The following HS1BP3 variants were observed in gnomAD, a reference collection of about 807,000 sequenced individuals.
HS1BP3 encodes the protein HCLS1 binding protein 3, also known as HCLS1-binding protein 3.
HS1BP3 carries 32 observed loss-of-function variants against 33.5 expected under a neutral mutation model. The observed-to-expected ratio is 0.95, with a 90% CI of 0.72 to 1.28. The LOEUF (loss-of-function observed/expected upper bound fraction) is 1.28. Ranked by LOEUF, HS1BP3 falls within the 50% of genes most tolerant of loss-of-function variation. The probability of loss-of-function intolerance (pLI) is 0.00; values close to 1 mark genes in which losing one functional copy is unlikely to be tolerated. For missense variants in HS1BP3, 486 were observed against 502.3 expected (o/e 0.97, Z 0.31); for synonymous variants, 187 against 209.2 (o/e 0.89, Z 0.92).
chr2:20,588,462 C>T (rs750292950), downstream of HS1BP3, among the ~76,000 whole-genome samples: 8 of 152,172 alleles, frequency 5.3e-5, no homozygotes, highest in Non-Finnish European at 1.0e-4. Flanking sequence ...ATTACGGGCA[C>T]CAGCCACCAC....
At position 20,619,244 on chromosome 2, in the gene HS1BP3, C is replaced by A. The variant is rs779710138; in HGVS notation, c.922G>T (p.Val308Phe). 2 of 1,597,294 alleles carry A rather than the reference C, an allele frequency of 1.3e-6. No individual in the cohort carries two copies. The highest frequency in any genetic ancestry group is 1.1e-5 in the South Asian group (1 of 88,416). Residue 308 changes from valine (V) to phenylalanine (F), a missense_variant and splice_region_variant, in exon 7 of 7, where the codon GTT becomes TTT. Val to Phe is a conservative substitution (Grantham distance 50). Coordinates refer to ENST00000304031, the MANE Select transcript of HS1BP3 (RefSeq NM_022460.4). ...AGAATCTGGTCCAAGTCCTCTTCAA[C>A]TCTAGGGAACCACAGGGAGGAACCC... ...HRDASKELFR[V>F]EEDLDQILNL... is the part of the protein sequence containing the mutation.
intron 2 of HS1BP3, among the ~76,000 whole-genome samples, chr2:20,598,716 G>A (rs1006156200): frequency 2.0e-5 from 3 of 151,226 alleles, no homozygotes; most frequent in African/African-American, 4.9e-5. Context: ...CCGCCACTAC[G>A]CCCGGCTAAT....
intron 5 of HS1BP3, among the ~76,000 whole-genome samples, chr2:20,575,657 T>C (rs996704308): frequency 1.3e-5 from 2 of 152,194 alleles, no homozygotes; most frequent in African/African-American, 4.8e-5. Context: ...CCTCTCCAGG[T>C]TTGTGCCTCA....
chr2:20,632,548 C>CA (rs1695000659), intron 4 of HS1BP3, among the ~76,000 whole-genome samples: 5 of 152,226 alleles, frequency 3.3e-5, no homozygotes, highest in Non-Finnish European at 7.3e-5. Flanking sequence ...GGGAAGGTTC[C>CA]TCAGTCGTAA....
chr2:20,625,649 G>A lies in HS1BP3; in HGVS notation c.624-757C>T, dbSNP rs13423106. ...CTCTCTGGGACTTGCCCACCTCCCCGGCTCCGACTCTGCCACCCCAGGTCC... is the reference window on the plus strand; with the variant it reads ...CTCTCTGGGACTTGCCCACCTCCCCAGCTCCGACTCTGCCACCCCAGGTCC... On this transcript the variant is annotated intron_variant, in intron 4 of 6. Coordinates refer to ENST00000304031, the MANE Select transcript of HS1BP3 (RefSeq NM_022460.4). Among the ~76,000 whole-genome samples, 725 of 152,270 alleles carry A rather than the reference G, an allele frequency of 4.8e-3. 7 individuals carry two copies. Among genetic ancestry groups the A allele is most frequent in the African/African-American group, 0.016 (679 of 41,550 alleles).
intron 5 of HS1BP3, among the ~76,000 whole-genome samples, chr2:20,586,037 C>T (rs774508731): frequency 1.4e-4 from 22 of 152,226 alleles, no homozygotes; most frequent in Non-Finnish European, 1.2e-4. Flanking sequence ...CAGTGCCATA[C>T]ACCGTGGCTG....
intron 5 of HS1BP3, among the ~76,000 whole-genome samples, chr2:20,566,257 C>A (rs1020260311): frequency 6.6e-6 from 1 of 152,252 alleles, no homozygotes; most frequent in South Asian, 2.1e-4. Flanking sequence ...CCATCTCCCC[C>A]GCCTGTGCCG....
the HS1BP3 span, among the ~76,000 whole-genome samples, chr2:20,554,332 C>G: frequency 6.6e-6 from 1 of 152,326 alleles, no homozygotes; most frequent in African/African-American, 2.4e-5. Flanking sequence ...AATAGCCTGA[C>G]ACACGCTCCT....
chr2:20,638,409 G>A lies in HS1BP3; in HGVS notation c.623+27C>T, dbSNP rs887034075. The A allele has an allele frequency of 2.5e-6, 4 of 1,599,088 alleles. No homozygotes were observed. The Admixed American group carries it at 5.0e-5, about 20-fold the overall frequency. ...CCAGAAAGCCTGGAATACACCAAAGGGGCCCTCTCAACAACAGGAGACCAA... is the reference window on the plus strand; with the variant it reads ...CCAGAAAGCCTGGAATACACCAAAGAGGCCCTCTCAACAACAGGAGACCAA... On this transcript the variant is annotated intron_variant, in intron 4 of 6. Coordinates refer to ENST00000304031, the MANE Select transcript of HS1BP3 (RefSeq NM_022460.4).
downstream of HS1BP3, among the ~76,000 whole-genome samples, chr2:20,560,100 C>A (rs1230694306): frequency 3.9e-5 from 6 of 152,208 alleles, no homozygotes; most frequent in African/African-American, 1.4e-4. Context: ...GAGGCACAGA[C>A]CCCATGGACA....
intron 3 of HS1BP3, among the ~76,000 whole-genome samples, chr2:20,595,783 T>C (rs550224166): frequency 1.4e-4 from 22 of 152,100 alleles, no homozygotes; most frequent in Admixed American, 2.6e-4. Flanking sequence ...GGCAGGGAAG[T>C]GGGCAGAGGT....
chr2:20,619,165 A>T lies in HS1BP3; in HGVS notation c.1001T>A (p.Val334Glu). ...TCTGGGTATCACCGGCTTAGCTGCC[A>T]CTGGTGGCTTGGGCTTAAGCTGGGG... is the stretch of plus-strand genomic sequence containing the variant. ...PKPQLKPKPP[V>E]AAKPVIPRKP... The change falls in exon 7 of 7, where the codon GTG becomes GAG. Residue 334 changes from valine to glutamate, a missense_variant. Coordinates refer to ENST00000304031, the MANE Select transcript of HS1BP3 (RefSeq NM_022460.4). The T allele has an allele frequency of 6.2e-7, 1 of 1,614,106 alleles. No homozygotes were observed. Among genetic ancestry groups the T allele is most frequent in the East Asian group, 2.2e-5 (1 of 44,878 alleles).
intron 4 of HS1BP3, among the ~76,000 whole-genome samples, chr2:20,633,433 A>C (rs35151252): frequency 0.1 from 15,523 of 152,264 alleles, 890 homozygotes; most frequent in South Asian, 0.14. Flanking sequence ...CTGAATTTAA[A>C]AAGCAGAAAC....
chr2:20,649,558 G>A (rs1041949474), intron 1 of HS1BP3, among the ~76,000 whole-genome samples: 2 of 152,224 alleles, frequency 1.3e-5, no homozygotes, highest in African/African-American at 4.8e-5. Flanking sequence ...GGACTTGTTT[G>A]TCTCCTAGAA....
At chr2:20,620,372 C>A (rs1035266817) in intron 6 of HS1BP3, among the ~76,000 whole-genome samples, 1 of 152,226 alleles carries the variant, frequency 6.6e-6, no homozygotes, top group Non-Finnish European at 1.5e-5. Context: ...GTTCCCCTGG[C>A]TGGGGCACCT....
intron 2 of HS1BP3, among the ~76,000 whole-genome samples, chr2:20,644,345 C>T (rs1695452619): frequency 6.6e-6 from 1 of 152,196 alleles, no homozygotes; most frequent in East Asian, 1.9e-4. Flanking sequence ...GGATTTCCTC[C>T]TCAGCCCTTC....
intron 1 of HS1BP3, 60 bp downstream of exon 1, chr2:20,650,972 C>G: frequency 8.2e-7 from 1 of 1,224,222 alleles, no homozygotes; most frequent in Non-Finnish European, 1.0e-6. Flanking sequence ...CCCCCCGCCT[C>G]TCCGCCCGGG....
downstream of HS1BP3, among the ~76,000 whole-genome samples, chr2:20,589,905 G>A (rs1693771426): frequency 3.3e-5 from 5 of 152,158 alleles, no homozygotes; most frequent in Admixed American, 2.6e-4. Flanking sequence ...AGAGATGACT[G>A]AGACTCCTGG....
chr2:20,612,750 GATAA>G (rs2149286780), intron 2 of HS1BP3, among the ~76,000 whole-genome samples: 1 of 152,242 alleles, frequency 6.6e-6, no homozygotes, highest in African/African-American at 2.4e-5. Flanking sequence ...TTTTGGCTGT[GATAA>G]ATAAAGCTGC....
Sources: gnomAD v4.1 joint callset for allele counts (sites outside exome capture counted in the v4.1 genomes callset) on GRCh38, gnomAD v4.1.1 for gene constraint, MANE v1.5 for transcripts, NCBI Gene and HGNC (gene_info 2026-07-23, HGNC 2026-07-21) for gene names.